Variants in EDARADD observed in about 807,000 individuals in gnomAD.
EDARADD encodes EDAR associated via death domain.
A neutral mutation model predicts 25.6 loss-of-function variants in EDARADD; 20 were observed. The ratio of observed to expected loss-of-function variants is 0.78; its 90% CI spans 0.55 to 1.14. The LOEUF (loss-of-function observed/expected upper bound fraction) is 1.14. EDARADD is among the 50% of genes most tolerant of loss of function. EDARADD has a pLI of 0.00. For synonymous variants in EDARADD, 86 were observed against 94.4 expected (o/e 0.91, Z 0.52); for missense variants, 225 against 270.1 (o/e 0.83, Z 1.17).
intron 1 of EDARADD, among the ~76,000 whole-genome samples, chr1:236,402,963 C>CTT (rs375335663): frequency 6.7e-6 from 1 of 149,132 alleles, no homozygotes; most frequent in African/African-American, 2.5e-5. Flanking sequence ...CTTGTCTTTT[C>CTT]TTTTTTTTTT....
At chr1:236,364,805 T>A (rs995511935) in intron 3 of EDARADD, among the ~76,000 whole-genome samples, 2 of 152,234 alleles carry the variant, frequency 1.3e-5, no homozygotes, top group African/African-American at 4.8e-5. Flanking sequence ...TCTATCACAT[T>A]TTCTACATAG....
intron 3 of EDARADD, among the ~76,000 whole-genome samples, chr1:236,357,906 T>C (rs630835): frequency 0.34 from 51,342 of 150,898 alleles, 8,979 homozygotes; most frequent in African/African-American, 0.41. Flanking sequence ...GGAGTTTCGC[T>C]CTTTTGCCCA....
chr1:236,365,842 T>C lies in EDARADD; in HGVS notation c.-6+15003T>C, dbSNP rs12027658. Among the ~76,000 whole-genome samples, 171 of 152,318 alleles carry C rather than the reference T, an allele frequency of 1.1e-3. 2 individuals are homozygous for C. In the South Asian group the frequency reaches 0.019, roughly 17 times the overall value. ...TCTCACAGTATGTCATTTGGTTTAG[T>C]GTCCACTGCTATGTCTTCAAATTCA... On this transcript the variant is annotated intron_variant, in intron 3 of 7. Transcript: ENST00000439430.
chr1:236,348,483 C>T (rs1214241419), intron 1 of EDARADD, among the ~76,000 whole-genome samples: 1 of 152,252 alleles, frequency 6.6e-6, no homozygotes. Flanking sequence ...CCGCGCCCCT[C>T]CCTGGGTCCT....
chr1:236,408,162 A>G (rs1667770580), intron 1 of EDARADD, among the ~76,000 whole-genome samples: 1 of 152,100 alleles, frequency 6.6e-6, no homozygotes, highest in Middle Eastern at 3.2e-3. Flanking sequence ...GTTCCAAAAT[A>G]TGGTGGGGTT....
intron 1 of EDARADD, 146 bp downstream of exon 1, chr1:236,394,651 G>A (rs148683181): frequency 3.1e-6 from 2 of 637,206 alleles, no homozygotes; most frequent in African/African-American, 1.8e-5. Context: ...CTGTTCTTAT[G>A]TGTGAAGGCA....
At position 236,483,841 on chromosome 1, in the gene EDARADD, T is replaced by C; in HGVS notation, c.*1192T>C. On this transcript the variant is annotated 3_prime_UTR_variant, in exon 6 of 6. Coordinates refer to ENST00000334232, the MANE Select transcript of EDARADD (RefSeq NM_145861.4). ...CTGGAGAATAAAGAAGGCCTGGAGCTGCTGAAGACTGCGATTGGGAAAGCT... is the reference window on the plus strand; with the variant it reads ...CTGGAGAATAAAGAAGGCCTGGAGCCGCTGAAGACTGCGATTGGGAAAGCT... 1 of 1,421,206 alleles carries C rather than the reference T, an allele frequency of 7.0e-7. No homozygotes were observed. 88.0% of individuals were successfully genotyped at this position (1,421,206 alleles called of 1,614,324 possible).
chr1:236,404,748 A>C (rs1667676750), intron 1 of EDARADD, among the ~76,000 whole-genome samples: 1 of 151,934 alleles, frequency 6.6e-6, no homozygotes, highest in Non-Finnish European at 1.5e-5. Context: ...GGCTGCAGTA[A>C]GCGGTGATCA....
intron 3 of EDARADD, among the ~76,000 whole-genome samples, chr1:236,422,426 C>G (rs1657804951): frequency 1.3e-5 from 2 of 152,166 alleles, no homozygotes; most frequent in Non-Finnish European, 2.9e-5. Context: ...TTCTTTACCA[C>G]AAAGGGTGCA....
At chr1:236,410,945 A>G (rs1466165225) in intron 2 of EDARADD, among the ~76,000 whole-genome samples, 2 of 152,172 alleles carry the variant, frequency 1.3e-5, no homozygotes, top group Non-Finnish European at 2.9e-5. Context: ...AACGAAGAAC[A>G]ACCCTGTGGC....
At chr1:236,432,613 G>T (rs73123277) in intron 4 of EDARADD, among the ~76,000 whole-genome samples, 7,158 of 151,962 alleles carry the variant, frequency 0.047, 436 homozygotes, top group African/African-American at 0.15. Flanking sequence ...AGACCAACTC[G>T]GTGGCTCATG....
chr1:236,434,569 T>C (rs2103019498), intron 4 of EDARADD, among the ~76,000 whole-genome samples: 1 of 152,280 alleles, frequency 6.6e-6, no homozygotes, highest in African/African-American at 2.4e-5. Flanking sequence ...GCTCTTCAGC[T>C]ATCATCAGCA....
chr1:236,417,690 C>A (rs1274789511), intron 3 of EDARADD, among the ~76,000 whole-genome samples: 4 of 151,914 alleles, frequency 2.6e-5, no homozygotes, highest in African/African-American at 9.7e-5. Context: ...CAGTATCTCG[C>A]AGAAGCTGCT....
Position 236,358,799 on chromosome 1 carries a change from T to C in EDARADD, c.-6+7960T>C, listed in dbSNP as rs12063651. ...GAGTGATTTACTTCCAATTATGTGA[T>C]CAATTTTAGAGTAAGTGCCATATGG... On this transcript the variant is annotated intron_variant, in intron 3 of 7. Transcript: ENST00000439430. 6.3e-3 allele frequency among the ~76,000 whole-genome samples: 953 copies of C among 152,162 alleles called. 11 individuals are homozygous for C. The highest frequency in any genetic ancestry group is 0.022 in the African/African-American group (894 of 41,494).
At chr1:236,424,216 C>T (rs1005532257) in intron 3 of EDARADD, among the ~76,000 whole-genome samples, 21 of 119,794 alleles carry the variant, frequency 1.8e-4, no homozygotes, top group African/African-American at 5.5e-4. Flanking sequence ...GGCTGGGGTG[C>T]GGTGGTGTGA....
In EDARADD at chr1:236,483,487, C is replaced by A; in HGVS notation, c.*838C>A. ...ACAGAAAATAAATCTAAATTTGGTG[C>A]AAATGCCATTCTGGGAGTGTCCCTC... On this transcript the variant is annotated 3_prime_UTR_variant, in exon 6 of 6. Coordinates refer to ENST00000334232, the MANE Select transcript of EDARADD (RefSeq NM_145861.4). The A allele has an allele frequency of 9.8e-7, 1 of 1,016,770 alleles. No individual in the cohort carries two copies. Among genetic ancestry groups the A allele is most frequent in the Non-Finnish European group, 1.6e-6 (1 of 638,292 alleles). 63.0% of individuals were successfully genotyped at this position (1,016,770 alleles called of 1,614,324 possible).
At chr1:236,359,564 G>C (rs748624731) in intron 3 of EDARADD, among the ~76,000 whole-genome samples, 1 of 152,172 alleles carries the variant, frequency 6.6e-6, no homozygotes, top group African/African-American at 2.4e-5. Context: ...CCTAGACTGG[G>C]CAATTTACAA....
At chr1:236,436,253 G>A (rs1571933674) in intron 4 of EDARADD, among the ~76,000 whole-genome samples, 1 of 151,854 alleles carries the variant, frequency 6.6e-6, no homozygotes, top group Non-Finnish European at 1.5e-5. Flanking sequence ...CACCTCCTGG[G>A]TTCAAGCGAT....
chr1:236,460,833 A>AT (rs1446191227), intron 4 of EDARADD, among the ~76,000 whole-genome samples: 2 of 145,606 alleles, frequency 1.4e-5, no homozygotes, highest in Non-Finnish European at 3.0e-5. Context: ...TTTTTTTTGT[A>AT]TTTTTTTGAG....
Sources: allele counts gnomAD v4.1 joint callset (sites outside exome capture counted in the v4.1 genomes callset), GRCh38; gene constraint gnomAD v4.1.1; transcripts MANE v1.5; gene names NCBI Gene and HGNC (gene_info 2026-07-23, HGNC 2026-07-21).